PLEKHG1: variants seen among roughly 807,000 people sequenced by gnomAD.
PLEKHG1 encodes pleckstrin homology and RhoGEF domain containing G1, also known as pleckstrin homology domain-containing family G member 1.
In PLEKHG1, 44 loss-of-function variants were observed where a neutral mutation model predicts 100.8. The observed-to-expected ratio is 0.44, with a 90% CI of 0.34 to 0.56. The LOEUF (loss-of-function observed/expected upper bound fraction) is 0.56. PLEKHG1 is among the 20% of genes least tolerant of loss of function. PLEKHG1 has a pLI of 0.01. For synonymous variants in PLEKHG1, 640 were observed against 662.5 expected (o/e 0.97, Z 0.52); for missense variants, 1,545 against 1,720.9 (o/e 0.90, Z 1.81).
intron 2 of PLEKHG1, 70 bp downstream of exon 3, chr6:150,734,162 A>G (rs1171552920): frequency 6.8e-7 from 1 of 1,475,270 alleles, no homozygotes; most frequent in African/African-American, 1.4e-5. Context: ...TGACAAAGCC[A>G]AGCCAGGTGT....
At chr6:150,723,654 G>A in intron 1 of PLEKHG1, among the ~76,000 whole-genome samples, 1 of 152,172 alleles carries the variant, frequency 6.6e-6, no homozygotes, top group Middle Eastern at 3.4e-3. Flanking sequence ...TGGTTTTGGG[G>A]GCTTTTTAAG....
In PLEKHG1 at chr6:150,804,604, T is replaced by C; in HGVS notation, c.781-6T>C. 1 of 1,576,484 alleles carries C rather than the reference T, an allele frequency of 6.3e-7. No homozygotes were observed. Among genetic ancestry groups the C allele is most frequent in the Admixed American group, 2.0e-5 (1 of 48,884 alleles). On this transcript the variant is annotated splice_polypyrimidine_tract_variant and splice_region_variant and intron_variant, in intron 6 of 15. Coordinates refer to ENST00000358517, the Ensembl canonical transcript of PLEKHG1. Reference sequence around the variant, plus strand: ...AAAAAAAAACCCTCGTTCTTTTTTGTTTAAGGAAATAGAAAACCACCTTGA... The same window carrying C: ...AAAAAAAAACCCTCGTTCTTTTTTGCTTAAGGAAATAGAAAACCACCTTGA...
At chr6:150,606,367 C>G (rs998030414) in intron 1 of PLEKHG1, among the ~76,000 whole-genome samples, 1 of 152,184 alleles carries the variant, frequency 6.6e-6, no homozygotes, top group African/African-American at 2.4e-5. Flanking sequence ...CATAAATACT[C>G]CTTCTCTCCT....
intron 3 of PLEKHG1, among the ~76,000 whole-genome samples, chr6:150,659,120 T>C (rs932740859): frequency 6.6e-6 from 1 of 151,638 alleles, no homozygotes; most frequent in African/African-American, 2.4e-5. Context: ...TGTGCACCCG[T>C]GTTGGGACTG....
chr6:150,827,527 C>T, intron 14 of PLEKHG1: 6 of 553,266 alleles, frequency 1.1e-5, no homozygotes, highest in Non-Finnish European at 2.0e-5. Context: ...TCGCCCGCCT[C>T]TGCCTTCCAA....
At chr6:150,702,719 T>A (rs5029652) in intron 3 of PLEKHG1, among the ~76,000 whole-genome samples, 29,665 of 152,124 alleles carry the variant, frequency 0.2, 5,035 homozygotes, top group African/African-American at 0.47. Flanking sequence ...GCAAAAGCTG[T>A]TGGGGAAATA....
chr6:150,681,185 T>A (rs1364502891), intron 3 of PLEKHG1, among the ~76,000 whole-genome samples: 5 of 152,084 alleles, frequency 3.3e-5, no homozygotes, highest in African/African-American at 1.2e-4. Flanking sequence ...AACATCCAGT[T>A]CAGAACAATT....
At chr6:150,819,114 G>A (rs1776151131) in intron 11 of PLEKHG1, among the ~76,000 whole-genome samples, 1 of 147,476 alleles carries the variant, frequency 6.8e-6, no homozygotes, top group Non-Finnish European at 1.5e-5. Flanking sequence ...AATTGCCTTC[G>A]GATTTTTTTT....
chr6:150,620,935 C>G (rs936328854), intron 1 of PLEKHG1, among the ~76,000 whole-genome samples: 4 of 152,164 alleles, frequency 2.6e-5, no homozygotes, highest in Admixed American at 6.5e-5. Flanking sequence ...CTTGGTTGTT[C>G]ATAACCTGAA....
At chr6:150,782,665 A>G (rs1785379202) in intron 3 of PLEKHG1, among the ~76,000 whole-genome samples, 1 of 152,236 alleles carries the variant, frequency 6.6e-6, no homozygotes, top group African/African-American at 2.4e-5. Flanking sequence ...AGATAGGACA[A>G]TCCAGCTATG....
chr6:150,804,706 A>C, exon 7 of PLEKHG1: 1 of 1,613,984 alleles, frequency 6.2e-7, no homozygotes. Flanking sequence ...TATCAATGAC[A>C]TGAAGCGGAA....
At chr6:150,736,542 G>T (rs1287289863) in intron 2 of PLEKHG1, among the ~76,000 whole-genome samples, 2 of 152,176 alleles carry the variant, frequency 1.3e-5, no homozygotes, top group South Asian at 4.1e-4. Flanking sequence ...GCCGAGGCGG[G>T]CGGATCACCT....
At chr6:150,806,134 T>C (rs1189364193) in intron 7 of PLEKHG1, among the ~76,000 whole-genome samples, 1 of 151,314 alleles carries the variant, frequency 6.6e-6, no homozygotes, top group East Asian at 1.9e-4. Context: ...ATAAACTCTG[T>C]AGGTTTCAGG....
At chr6:150,714,734 C>T (rs1385459480) in intron 3 of PLEKHG1, among the ~76,000 whole-genome samples, 7 of 151,836 alleles carry the variant, frequency 4.6e-5, no homozygotes, top group East Asian at 3.8e-4. Context: ...CCAGGACTAA[C>T]GAAAAATGGC....
At position 150,774,531 on chromosome 6, in the gene PLEKHG1, A is replaced by ATTTTTT. The variant is rs61521577; in HGVS notation, c.512+5816_512+5821dup. Among the ~76,000 whole-genome samples, 25 of 87,134 alleles carry ATTTTTT rather than the reference A, an allele frequency of 2.9e-4. 1 individual carries two copies. The highest frequency in any genetic ancestry group is 8.3e-4 in the African/African-American group (22 of 26,564). 57.2% of individuals were successfully genotyped at this position (87,134 alleles called of 152,430 possible). On this transcript the variant is annotated intron_variant, in intron 3 of 15. Coordinates refer to ENST00000358517, the Ensembl canonical transcript of PLEKHG1. ...TCTATTTAGGCACTGATTAGTTTGA[A>ATTTTTT]TTTTTTTTTTTTTTTTTTTTTTTTT...
intron 2 of PLEKHG1, among the ~76,000 whole-genome samples, chr6:150,741,647 C>T (rs1782864051): frequency 6.6e-6 from 1 of 151,612 alleles, no homozygotes. Flanking sequence ...ATTGAATGTA[C>T]AGAGGACAAA....
At chr6:150,701,462 T>A (rs1269843245) in intron 3 of PLEKHG1, among the ~76,000 whole-genome samples, 3 of 83,148 alleles carry the variant, frequency 3.6e-5, no homozygotes, top group Admixed American at 1.1e-4. Context: ...TATATATATA[T>A]ATATAATTAT....
chr6:150,840,679 A>C, exon 16 of PLEKHG1: 1 of 1,614,190 alleles, frequency 6.2e-7, no homozygotes, highest in South Asian at 1.1e-5. Context: ...TTTTCTGATA[A>C]TGTCTGCAGC....
At chr6:150,840,676 A>T in exon 16 of PLEKHG1, 1 of 1,614,180 alleles carries the variant, frequency 6.2e-7, no homozygotes, top group African/African-American at 1.3e-5. Flanking sequence ...GACTTTTCTG[A>T]TAATGTCTGC....
Sources: gnomAD v4.1 joint callset for allele counts (sites outside exome capture counted in the v4.1 genomes callset) on GRCh38, gnomAD v4.1.1 for gene constraint, MANE v1.5 for transcripts, NCBI Gene and HGNC (gene_info 2026-07-23, HGNC 2026-07-21) for gene names.